Variants in NCK1 observed in about 807,000 individuals in gnomAD.
NCK1 encodes the protein SH2/SH3 adapter protein NCK1.
A neutral mutation model predicts 36.6 loss-of-function variants in NCK1; 19 were observed. That is an observed-to-expected ratio of 0.52 (90% CI 0.36 to 0.76). NCK1 has a LOEUF of 0.76. Ranked by LOEUF, NCK1 falls within the 30% of genes least tolerant of loss-of-function variation. The pLI is 0.00. For synonymous variants in NCK1, 165 were observed against 156.0 expected (o/e 1.06, Z -0.43); for missense variants, 358 against 445.6 (o/e 0.80, Z 1.77).
intron 1 of NCK1, among the ~76,000 whole-genome samples, chr3:136,872,508 A>C (rs1363355429): frequency 6.6e-6 from 1 of 152,236 alleles, no homozygotes; most frequent in Non-Finnish European, 1.5e-5. Context: ...AGCGTGATAG[A>C]AAAGAAAATC....
intron 1 of NCK1, among the ~76,000 whole-genome samples, chr3:136,866,909 G>A (rs750153677): frequency 3.4e-5 from 5 of 147,162 alleles, no homozygotes; most frequent in Non-Finnish European, 7.5e-5. Flanking sequence ...CACTGTGCCC[G>A]TCCAGTTTGC....
intron 1 of NCK1, among the ~76,000 whole-genome samples, chr3:136,874,649 C>T (rs190254166): frequency 6.6e-6 from 1 of 152,124 alleles, no homozygotes; most frequent in South Asian, 2.1e-4. Context: ...ATAAAACTAG[C>T]GACTCCCTTT....
chr3:136,908,494 C>G (rs567942128), intron 1 of NCK1, among the ~76,000 whole-genome samples: 62 of 152,256 alleles, frequency 4.1e-4, no homozygotes, highest in African/African-American at 1.3e-3. Flanking sequence ...ACAGGGTTGA[C>G]GTGGTTCTGA....
At chr3:136,902,170 C>G (rs980755168) in intron 1 of NCK1, among the ~76,000 whole-genome samples, 7 of 144,026 alleles carry the variant, frequency 4.9e-5, no homozygotes, top group Middle Eastern at 3.5e-3. Flanking sequence ...TTCCAGAGTT[C>G]TTCTTAACTC....
chr3:136,900,140 G>C (rs1012026066), intron 1 of NCK1: 1 of 319,650 alleles, frequency 3.1e-6, no homozygotes. Flanking sequence ...GGTGGTTTCA[G>C]TTCCCACCCA....
At position 136,945,851 on chromosome 3, in the gene NCK1, C is replaced by T. The variant is rs752071867; in HGVS notation, c.495C>T (p.Asp165=). The T allele has an allele frequency of 1.2e-6, 2 of 1,614,002 alleles. No homozygotes were observed. The highest frequency in any genetic ancestry group is 2.7e-5 in the African/African-American group (2 of 74,896). ...FPSNYVTEEG[D]SPLGDHVGSL... ...CAAACTATGTAACTGAAGAAGGTGA[C>T]AGTCCTTTGGGTGACCATGTGGGTT... The change falls in exon 3 of 4, where the codon GAC becomes GAT. Residue 165 remains aspartate (D), a synonymous_variant. Transcript: ENST00000481752.
intron 1 of NCK1, among the ~76,000 whole-genome samples, chr3:136,901,817 A>G (rs1226602779): frequency 6.6e-6 from 1 of 152,156 alleles, no homozygotes; most frequent in African/African-American, 2.4e-5. Flanking sequence ...TTTTCAAAAA[A>G]TCAGCTTTTT....
At chr3:136,874,428 C>T (rs1243096250) in intron 1 of NCK1, among the ~76,000 whole-genome samples, 1 of 152,232 alleles carries the variant, frequency 6.6e-6, no homozygotes, top group African/African-American at 2.4e-5. Flanking sequence ...GACCCGCCCA[C>T]CTTGGCCACC....
At chr3:136,905,939 G>A (rs919401192) in intron 1 of NCK1, among the ~76,000 whole-genome samples, 2 of 151,604 alleles carry the variant, frequency 1.3e-5, no homozygotes, top group Admixed American at 1.3e-4. Context: ...TTTTTTGATT[G>A]GGATGTATTG....
chr3:136,934,479 T>G (rs1427057048), intron 2 of NCK1, among the ~76,000 whole-genome samples: 1 of 151,922 alleles, frequency 6.6e-6, no homozygotes, highest in Non-Finnish European at 1.5e-5. Context: ...AGAGATGGGG[T>G]TTCACCATGT....
At chr3:136,869,915 A>G (rs1938557885) in intron 1 of NCK1, among the ~76,000 whole-genome samples, 1 of 152,136 alleles carries the variant, frequency 6.6e-6, no homozygotes, top group Admixed American at 6.5e-5. Context: ...ATGATTGCTG[A>G]ATTGGACATG....
rs796247962 is a variant in NCK1, at chr3:136,904,132, G to GT, written c.-18-23843dup. Among the ~76,000 whole-genome samples the GT allele has an allele frequency of 3.5e-3, 525 of 150,810 alleles. 1 individual carries two copies. Among genetic ancestry groups the GT allele is most frequent in the African/African-American group, 8.0e-3 (330 of 41,080 alleles). ...CTGGGTATAGTATCCTTGACTGACA[G>GT]TTTTTTTTTCATTGAGCACTTTTTA... On this transcript the variant is annotated intron_variant, in intron 1 of 3. Coordinates refer to ENST00000481752, the MANE Select transcript of NCK1 (RefSeq NM_001291999.2).
intron 1 of NCK1, among the ~76,000 whole-genome samples, chr3:136,879,899 A>G (rs930961517): frequency 1.3e-5 from 2 of 151,850 alleles, no homozygotes; most frequent in African/African-American, 2.4e-5. Flanking sequence ...GTAAATGACA[A>G]GTTGATGGGT....
intron 2 of NCK1, among the ~76,000 whole-genome samples, chr3:136,940,105 C>G (rs1456148692): frequency 6.6e-6 from 1 of 152,038 alleles, no homozygotes; most frequent in Non-Finnish European, 1.5e-5. Flanking sequence ...TCAAGTGATC[C>G]CCCGACCTTG....
chr3:136,950,822 T>TG lies in NCK1; in HGVS notation c.*2370dup, dbSNP rs1006864343. ...ATGCTTAGTTTCAAATTTAAATACA[T>TG]GTGTCAGATGGAACCCTGCCTAACT... is the stretch of plus-strand genomic sequence containing the variant. On this transcript the variant is annotated 3_prime_UTR_variant, in exon 4 of 4. Coordinates refer to ENST00000481752, the MANE Select transcript of NCK1 (RefSeq NM_001291999.2). Among the ~76,000 whole-genome samples, 5 of 152,124 alleles carry TG rather than the reference T, an allele frequency of 3.3e-5. No individual in the cohort carries two copies. The highest frequency in any genetic ancestry group is 1.2e-4 in the African/African-American group (5 of 41,438).
intron 1 of NCK1, among the ~76,000 whole-genome samples, chr3:136,891,197 G>C (rs758294882): frequency 6.6e-6 from 1 of 152,172 alleles, no homozygotes; most frequent in African/African-American, 2.4e-5. Flanking sequence ...GCAGTGGCAC[G>C]ATCTCGGCTC....
chr3:136,868,976 G>A (rs1938528636), intron 1 of NCK1, among the ~76,000 whole-genome samples: 1 of 152,022 alleles, frequency 6.6e-6, no homozygotes, highest in African/African-American at 2.4e-5. Flanking sequence ...GGTGGCTCAC[G>A]TCTGTAATCC....
Position 136,913,298 on chromosome 3 carries a change from T to C in NCK1, c.-18-14686T>C, listed in dbSNP as rs187635702. The stretch of plus-strand genomic sequence containing the variant: ...GTGTGTGCTTGTTTTTCTTTTTGTT[T>C]TTAGAGTCTTGCTTTGTCACCCAGG... On this transcript the variant is annotated intron_variant, in intron 1 of 3. Coordinates refer to ENST00000481752, the MANE Select transcript of NCK1 (RefSeq NM_001291999.2). 6.2e-3 allele frequency among the ~76,000 whole-genome samples: 938 copies of C among 152,274 alleles called. 4 individuals are homozygous for C. Among genetic ancestry groups the C allele is most frequent in the Non-Finnish European group, 9.7e-3 (662 of 68,030 alleles).
intron 1 of NCK1, among the ~76,000 whole-genome samples, chr3:136,885,087 C>T (rs1939043134): frequency 6.6e-6 from 1 of 152,056 alleles, no homozygotes; most frequent in African/African-American, 2.4e-5. Flanking sequence ...CAGGTATACA[C>T]TGAAATATTT....
Sources: gnomAD v4.1 joint callset for allele counts (sites outside exome capture counted in the v4.1 genomes callset) on GRCh38, gnomAD v4.1.1 for gene constraint, MANE v1.5 for transcripts, NCBI Gene and HGNC (gene_info 2026-07-23, HGNC 2026-07-21) for gene names.